INSL6: variants seen among roughly 807,000 people sequenced by gnomAD.
The protein encoded by INSL6 is insulin-like peptide INSL6.
Under a neutral mutation model 9.4 loss-of-function variants are expected in INSL6, and 16 were observed. The ratio of observed to expected loss-of-function variants is 1.70; its 90% CI spans 1.15 to 2.59. The LOEUF is 2.59. Among genes scored for constraint, INSL6 ranks in the 30% most tolerant of loss-of-function variants. INSL6 has a pLI of 0.00. For synonymous variants in INSL6, 154 were observed against 96.9 expected, an observed-to-expected ratio of 1.59 and a Z score of -3.46; for missense variants, 391 against 257.3, an observed-to-expected ratio of 1.52 and a Z score of -3.56.
chr9:5,011,379 G>T, the INSL6 span, among the ~76,000 whole-genome samples: 1 of 151,916 alleles, frequency 6.6e-6, no homozygotes, highest in Non-Finnish European at 1.5e-5. Context: ...TTGTAGAGAT[G>T]GGGTCTTGCT....
the INSL6 span, among the ~76,000 whole-genome samples, chr9:5,087,039 A>C: frequency 6.6e-6 from 1 of 152,226 alleles, no homozygotes. Context: ...CTAAAAGAAA[A>C]AAATCAGATA....
chr9:5,074,608 G>A, the INSL6 span, among the ~76,000 whole-genome samples: 7 of 152,322 alleles, frequency 4.6e-5, no homozygotes, highest in Admixed American at 3.3e-4. Context: ...CCATCAATGA[G>A]CCATTCCTCT....
intron 2 of INSL6, among the ~76,000 whole-genome samples, chr9:5,150,713 A>C (rs74452398): frequency 9.2e-5 from 14 of 152,268 alleles, no homozygotes; most frequent in African/African-American, 3.1e-4. Flanking sequence ...CAAACTCACT[A>C]CTGCATGTCT....
At chr9:5,136,503 G>A (rs1824389317) in intron 2 of INSL6, among the ~76,000 whole-genome samples, 1 of 152,090 alleles carries the variant, frequency 6.6e-6, no homozygotes, top group Non-Finnish European at 1.5e-5. Flanking sequence ...CACATAAACA[G>A]AAACAATGAG....
At position 5,185,620 on chromosome 9, in the gene INSL6, A is replaced by G. The variant is rs780287652; in HGVS notation, c.-18T>C. On this transcript the variant is annotated 5_prime_UTR_variant, in exon 1 of 2. Transcript: ENST00000381641. ...CGCGGCATCCCTGTGACCCCAGGCT[A>G]GTCCTCCGCGTTGTGCAATGGCGGT... The G allele has an allele frequency of 1.4e-5, 23 of 1,604,242 alleles. No homozygotes were observed. The highest frequency in any genetic ancestry group is 1.9e-5 in the Non-Finnish European group (22 of 1,176,750).
chr9:5,125,591 A>G (rs1243939132), intron 3 of INSL6, among the ~76,000 whole-genome samples: 1 of 151,542 alleles, frequency 6.6e-6, no homozygotes, highest in East Asian at 1.9e-4. Context: ...CTTTCTAGAA[A>G]AGCTGTGCCA....
the INSL6 span, chr9:5,100,799 C>G: frequency 6.6e-6 from 1 of 152,378 alleles, no homozygotes; most frequent in Non-Finnish European, 1.5e-5. Flanking sequence ...TTTACTATCT[C>G]TGATGGGATC....
chr9:5,136,186 A>G lies in INSL6; in HGVS notation c.377-2594T>C, dbSNP rs141492707. Among the ~76,000 whole-genome samples the G allele has an allele frequency of 6.6e-5, 10 of 152,342 alleles. No individual in the cohort carries two copies. In the East Asian group the frequency reaches 1.9e-3, roughly 29 times the overall value. ...GATGGATTCACAGCCAAATTCTACC[A>G]GAGATGCAAAGAGGACCAGTACCAT... On this transcript the variant is annotated intron_variant, in intron 2 of 3. Coordinates refer to the INSL6 transcript ENST00000649639.
chr9:5,112,258 C>T, the INSL6 span: 3 of 256,124 alleles, frequency 1.2e-5, no homozygotes, highest in African/African-American at 4.6e-5. Context: ...ACCCTGAGGA[C>T]GGCCCTGCGG....
chr9:5,052,985 T>A, the INSL6 span, among the ~76,000 whole-genome samples: 1 of 152,052 alleles, frequency 6.6e-6, no homozygotes, highest in Admixed American at 6.6e-5. Context: ...GTGGATGTAT[T>A]TTTTTCATTT....
chr9:5,091,805 T>C, the INSL6 span, among the ~76,000 whole-genome samples: 2 of 152,176 alleles, frequency 1.3e-5, no homozygotes, highest in East Asian at 3.8e-4. Context: ...AAACCTAGTA[T>C]ACTGGAGAAG....
chr9:5,178,880 T>G (rs1435528499), intron 1 of INSL6, among the ~76,000 whole-genome samples: 1 of 152,134 alleles, frequency 6.6e-6, no homozygotes, highest in Non-Finnish European at 1.5e-5. Flanking sequence ...GATTAAAGAC[T>G]TATGTAAAAC....
the INSL6 span, among the ~76,000 whole-genome samples, chr9:5,003,772 G>A: frequency 6.6e-6 from 1 of 152,046 alleles, no homozygotes; most frequent in Non-Finnish European, 1.5e-5. Context: ...AGACATGATT[G>A]TTACGTTTTT....
At chr9:5,047,592 A>T in the INSL6 span, among the ~76,000 whole-genome samples, 2 of 152,202 alleles carry the variant, frequency 1.3e-5, no homozygotes, top group African/African-American at 2.4e-5. Flanking sequence ...GCTAATGAAG[A>T]TGTAAATTTC....
chr9:5,175,203 G>T (rs949231423), intron 1 of INSL6, among the ~76,000 whole-genome samples: 1 of 152,142 alleles, frequency 6.6e-6, no homozygotes, highest in South Asian at 2.1e-4. Context: ...GCCTCCCAAA[G>T]TGCTGGGATT....
chr9:5,151,459 G>C (rs1824711223), intron 2 of INSL6, among the ~76,000 whole-genome samples: 1 of 152,042 alleles, frequency 6.6e-6, no homozygotes, highest in Admixed American at 6.5e-5. Context: ...GGTTTATAAT[G>C]CATGCAGCAG....
At chr9:4,993,086 C>G in the INSL6 span, among the ~76,000 whole-genome samples, 568 of 152,324 alleles carry the variant, frequency 3.7e-3, 1 homozygote, top group African/African-American at 0.013. Context: ...CCCTTTCATT[C>G]CAAGCTAATA....
chr9:5,022,154 C>A, the INSL6 span: 1 of 1,614,136 alleles, frequency 6.2e-7, no homozygotes, highest in South Asian at 1.1e-5. Flanking sequence ...GATTATCTGA[C>A]CTTTCCATCT....
At chr9:5,037,027 C>T in the INSL6 span, among the ~76,000 whole-genome samples, 2 of 152,092 alleles carry the variant, frequency 1.3e-5, no homozygotes, top group Non-Finnish European at 2.9e-5. Context: ...AAAACAACAA[C>T]CCCATCAAAA....
Sources: allele counts gnomAD v4.1 joint callset (sites outside exome capture counted in the v4.1 genomes callset), GRCh38; gene constraint gnomAD v4.1.1; transcripts MANE v1.5; gene names NCBI Gene and HGNC (gene_info 2026-07-23, HGNC 2026-07-21).